The following INO80 variants were observed in gnomAD, a reference collection of about 807,000 sequenced individuals.
The protein encoded by INO80 is chromatin-remodeling ATPase INO80.
INO80 carries 20 observed loss-of-function variants against 203.4 expected under a neutral mutation model. The observed-to-expected ratio is 0.10, with a 90% CI of 0.07 to 0.14. INO80 has a LOEUF of 0.14. Ranked by LOEUF, INO80 falls within the 10% of genes least tolerant of loss-of-function variation. The probability of loss-of-function intolerance (pLI) is 1.00; values close to 1 mark genes in which losing one functional copy is unlikely to be tolerated. For synonymous variants in INO80, 726 were observed against 685.2 expected, an observed-to-expected ratio of 1.06 and a Z score of -0.93; for missense variants, 1,419 against 1,914.4, an observed-to-expected ratio of 0.74 and a Z score of 4.83.
At chr15:41,056,983 T>C (rs981431793) in intron 16 of INO80, among the ~76,000 whole-genome samples, 11 of 152,226 alleles carry the variant, frequency 7.2e-5, no homozygotes, top group African/African-American at 2.7e-4. Flanking sequence ...TATAAACTCT[T>C]CTATTATCTT....
At chr15:41,003,461 C>G (rs1052277727) in intron 28 of INO80, among the ~76,000 whole-genome samples, 2 of 150,744 alleles carry the variant, frequency 1.3e-5, no homozygotes, top group Non-Finnish European at 3.0e-5. Flanking sequence ...TCCCGAGTAG[C>G]TGGGATTACA....
intron 1 of INO80, among the ~76,000 whole-genome samples, chr15:41,105,827 G>A (rs1487243897): frequency 6.6e-6 from 1 of 151,988 alleles, no homozygotes; most frequent in Non-Finnish European, 1.5e-5. Flanking sequence ...AAATGTTGTT[G>A]TTTTTAGAGC....
intron 5 of INO80, 118 bp from the exon 6 acceptor site, chr15:41,087,800 C>G (rs1319662949): frequency 1.0e-6 from 1 of 986,362 alleles, no homozygotes; most frequent in Non-Finnish European, 1.4e-6. Flanking sequence ...ATTCTTCCCA[C>G]AAAGAGATCA....
At chr15:40,988,706 C>A (rs1341570867) in intron 29 of INO80, among the ~76,000 whole-genome samples, 1 of 152,126 alleles carries the variant, frequency 6.6e-6, no homozygotes, top group Non-Finnish European at 1.5e-5. Flanking sequence ...ATAGTGAATC[C>A]CCATCTCTGC....
chr15:41,020,675 T>TAC (rs2044280379), intron 26 of INO80, among the ~76,000 whole-genome samples: 2 of 151,892 alleles, frequency 1.3e-5, no homozygotes, highest in African/African-American at 4.8e-5. Context: ...CTTTCTCAGC[T>TAC]GTAAGCATGT....
chr15:40,997,766 C>T (rs2043898759), intron 28 of INO80, 165 bp from the exon 29 acceptor site: 2 of 521,952 alleles, frequency 3.8e-6, no homozygotes, highest in Non-Finnish European at 7.0e-6. Flanking sequence ...TACAATGTTG[C>T]TCTGTTGTTA....
chr15:41,102,719 G>A (rs1292918321), intron 1 of INO80, among the ~76,000 whole-genome samples: 1 of 152,092 alleles, frequency 6.6e-6, no homozygotes, highest in Admixed American at 6.6e-5. Context: ...AAAAAGGAGA[G>A]TTGGGTCTGA....
intron 24 of INO80, among the ~76,000 whole-genome samples, chr15:41,028,271 G>A (rs998168228): frequency 2.0e-5 from 3 of 151,966 alleles, no homozygotes; most frequent in Admixed American, 6.6e-5. Context: ...GAGTAGTTGC[G>A]ACTACAGGCG....
intron 9 of INO80, among the ~76,000 whole-genome samples, chr15:41,075,254 G>T (rs2045384977): frequency 6.6e-6 from 1 of 151,402 alleles, no homozygotes; most frequent in Non-Finnish European, 1.5e-5. Context: ...TTTTGAAAAT[G>T]TACACATGTC....
chr15:41,046,694 T>C (rs377298234), intron 23 of INO80, among the ~76,000 whole-genome samples: 2 of 151,982 alleles, frequency 1.3e-5, no homozygotes, highest in African/African-American at 2.4e-5. Flanking sequence ...CTTGACTCAC[T>C]GCAACCTCCA....
At chr15:41,020,640 C>T (rs922557745) in intron 26 of INO80, among the ~76,000 whole-genome samples, 7 of 146,952 alleles carry the variant, frequency 4.8e-5, no homozygotes, top group Non-Finnish European at 1.1e-4. Flanking sequence ...TTATTTCTAC[C>T]TTTTTTTTTT....
intron 29 of INO80, among the ~76,000 whole-genome samples, chr15:40,992,434 C>T (rs894791290): frequency 6.6e-6 from 1 of 152,176 alleles, no homozygotes; most frequent in African/African-American, 2.4e-5. Flanking sequence ...ACCAAGTAGG[C>T]CAGATAGAGT....
At chr15:40,984,382 G>A (rs1166556772) in intron 32 of INO80, 30 bp from the exon 33 acceptor site, 26 of 1,601,602 alleles carry the variant, frequency 1.6e-5, no homozygotes, top group East Asian at 6.7e-5. Context: ...TATGGAAAAC[G>A]TGTGAGGATG....
chr15:40,997,498 A>G (rs372021981), intron 29 of INO80, 31 bp downstream of exon 29: 12 of 1,418,968 alleles, frequency 8.5e-6, no homozygotes, highest in Middle Eastern at 1.7e-4. Context: ...GAAAACCTGC[A>G]TATCTAGTTG....
At chr15:41,073,286 C>G in intron 11 of INO80, 142 bp downstream of exon 11, 2 of 688,666 alleles carry the variant, frequency 2.9e-6, no homozygotes, top group Non-Finnish European at 5.2e-6. Flanking sequence ...CCCCTACACA[C>G]AGCTACTCAC....
At chr15:41,102,718 A>G (rs1278943253) in intron 1 of INO80, among the ~76,000 whole-genome samples, 1 of 152,086 alleles carries the variant, frequency 6.6e-6, no homozygotes, top group East Asian at 1.9e-4. Flanking sequence ...AAAAAAGGAG[A>G]GTTGGGTCTG....
chr15:41,014,436 G>C (rs976752300), intron 27 of INO80, among the ~76,000 whole-genome samples: 1 of 152,064 alleles, frequency 6.6e-6, no homozygotes, highest in Non-Finnish European at 1.5e-5. Flanking sequence ...TTGGCTGTTG[G>C]GATCATCTGT....
chr15:41,066,308 G>A (rs564954563), intron 14 of INO80, among the ~76,000 whole-genome samples: 2 of 151,922 alleles, frequency 1.3e-5, no homozygotes, highest in African/African-American at 4.8e-5. Flanking sequence ...CTGCAGGCAT[G>A]CACTACCATA....
intron 29 of INO80, among the ~76,000 whole-genome samples, chr15:40,993,070 C>T (rs960812125): frequency 2.0e-5 from 3 of 152,228 alleles, no homozygotes; most frequent in Admixed American, 2.0e-4. Flanking sequence ...GCAGGGATTA[C>T]AGGCATGAGC....
Sources: gnomAD v4.1 joint callset for allele counts (sites outside exome capture counted in the v4.1 genomes callset) on GRCh38, gnomAD v4.1.1 for gene constraint, MANE v1.5 for transcripts, NCBI Gene and HGNC (gene_info 2026-07-23, HGNC 2026-07-21) for gene names.